NRP2: variants seen among roughly 807,000 people sequenced by gnomAD.
NRP2 encodes the protein neuropilin-2.
NRP2 carries 52 observed loss-of-function variants against 110.4 expected under a neutral mutation model. That is an observed-to-expected ratio of 0.47 (90% confidence interval 0.38 to 0.59). NRP2 has a LOEUF of 0.59. Ranked by LOEUF, NRP2 falls within the 20% of genes least tolerant of loss-of-function variation. The pLI is 0.00. For missense variants in NRP2, 1,049 were observed against 1,203.0 expected (o/e 0.87, Z 1.89); for synonymous variants, 508 against 468.9 (o/e 1.08, Z -1.08).
intron 2 of NRP2, among the ~76,000 whole-genome samples, chr2:205,709,786 A>G (rs956771499): frequency 3.9e-5 from 6 of 152,222 alleles, no homozygotes; most frequent in Non-Finnish European, 5.9e-5. Context: ...AAATCCCCGC[A>G]TTTAAGAATA....
At chr2:205,794,711 A>G in intron 16 of NRP2, 43 bp from the exon 17 acceptor site, 1 of 1,600,922 alleles carries the variant, frequency 6.2e-7, no homozygotes, top group South Asian at 1.1e-5. Context: ...TCACCCTGAC[A>G]TAGGCAGTGC....
At chr2:205,723,112 A>G (rs913041980) in intron 4 of NRP2, among the ~76,000 whole-genome samples, 1 of 152,164 alleles carries the variant, frequency 6.6e-6, no homozygotes, top group Non-Finnish European at 1.5e-5. Context: ...CAAATCCCTT[A>G]CCCTATCTGT....
At chr2:205,684,927 C>G (rs1258673525) in intron 1 of NRP2, among the ~76,000 whole-genome samples, 2 of 152,242 alleles carry the variant, frequency 1.3e-5, no homozygotes, top group Non-Finnish European at 2.9e-5. Flanking sequence ...CAGACACGGA[C>G]TCCAGTAGGC....
chr2:205,778,528 T>A (rs950175471), intron 15 of NRP2: 3 of 152,232 alleles, frequency 2.0e-5, no homozygotes, highest in Admixed American at 2.0e-4. Context: ...TACCATGTGA[T>A]GACTAATATG....
Position 205,682,755 on chromosome 2 carries a change from C to G in NRP2, c.-536C>G, listed in dbSNP as rs918960214. On this transcript the variant is annotated 5_prime_UTR_variant, in exon 1 of 17. Coordinates refer to ENST00000357785, the MANE Select transcript of NRP2 (RefSeq NM_003872.3). This position sits in a 1 kb window ranked among gnomAD's most constrained non-coding sequence, Gnocchi z 4.3. Reference sequence around the variant, plus strand: ...GGGGGAGGCTCCCGCCGGGGGAACCCGGCGAGGACAAGAGCAGGGCGGCCG... The same window carrying G: ...GGGGGAGGCTCCCGCCGGGGGAACCGGGCGAGGACAAGAGCAGGGCGGCCG... 6.3e-6 allele frequency: 1 copy of G among 158,256 alleles called. No homozygotes were observed. The highest frequency in any genetic ancestry group is 1.4e-5 in the Non-Finnish European group (1 of 71,782). The allele number at this position is 158,256 out of a possible 1,614,324, so 9.8% of individuals were successfully genotyped here.
rs372548193 is a variant in NRP2 at position 205,754,083 on chromosome 2, C to T, written c.2044+1108C>T. ...AAGCAGCTCTCACAAGCTGGTACAC[C>T]TTGGATCTAGCACAGCACTGAGTGA... On this transcript the variant is annotated intron_variant, in intron 12 of 16. Coordinates refer to ENST00000357785, the MANE Select transcript of NRP2 (RefSeq NM_003872.3). Among the ~76,000 whole-genome samples the T allele has an allele frequency of 1.2e-4, 18 of 152,308 alleles. 1 individual carries two copies. The East Asian group carries it at 2.5e-3, about 21-fold the overall frequency.
At chr2:205,743,797 G>A (rs2057489031) in intron 9 of NRP2, 3 of 724,882 alleles carry the variant, frequency 4.1e-6, no homozygotes, top group South Asian at 2.0e-5. Flanking sequence ...AGGCTGGAGT[G>A]CAGTGGCCTG....
intron 2 of NRP2, among the ~76,000 whole-genome samples, chr2:205,706,461 A>G (rs1258364626): frequency 6.6e-6 from 1 of 152,116 alleles, no homozygotes; most frequent in Non-Finnish European, 1.5e-5. Flanking sequence ...GTTTTAATGG[A>G]AGAGATTTTC....
intron 1 of NRP2, among the ~76,000 whole-genome samples, chr2:205,683,902 G>A (rs1357746227): frequency 6.6e-6 from 1 of 152,216 alleles, no homozygotes; most frequent in African/African-American, 2.4e-5. Flanking sequence ...GCTCAGGCTG[G>A]TGGAGCAAGT....
chr2:205,792,138 A>G (rs1335009858), intron 15 of NRP2, 97 bp from the exon 16 acceptor site: 7 of 807,932 alleles, frequency 8.7e-6, no homozygotes, highest in Non-Finnish European at 1.6e-5. Context: ...GCTGCCTGCC[A>G]GAATGGGGAG....
At chr2:205,701,621 T>C (rs2056560135) in intron 2 of NRP2, 1 of 150,832 alleles carries the variant, frequency 6.6e-6, no homozygotes, top group Admixed American at 6.6e-5. Flanking sequence ...TAGCAAGAAA[T>C]GAAAGAACAT....
In NRP2 at chr2:205,797,272, C is replaced by T. The variant is rs913743323; in HGVS notation, c.*2214C>T. The T allele has an allele frequency of 6.6e-6, 1 of 152,592 alleles. No homozygotes were observed. The highest frequency in any genetic ancestry group is 2.4e-5 in the African/African-American group (1 of 41,448). The allele number at this position is 152,592 out of a possible 1,614,324, so 9.5% of individuals were successfully genotyped here. ...AGTAGAAGCAAGATTTTAACTAGCC[C>T]CTTTTCCTCTTCACCCTCCCATGAT... On this transcript the variant is annotated 3_prime_UTR_variant, in exon 17 of 17. Transcript: ENST00000357785.
At chr2:205,785,580 T>C (rs776351081) in intron 15 of NRP2, among the ~76,000 whole-genome samples, 13 of 152,114 alleles carry the variant, frequency 8.5e-5, no homozygotes, top group Non-Finnish European at 1.3e-4. Flanking sequence ...AAAAAAGAGG[T>C]TCTAGAATTT....
At chr2:205,730,047 CT>C (rs1186472287) in intron 7 of NRP2, among the ~76,000 whole-genome samples, 1 of 152,160 alleles carries the variant, frequency 6.6e-6, no homozygotes, top group Non-Finnish European at 1.5e-5. Flanking sequence ...GAAATTCATC[CT>C]TTGTGTACTT....
chr2:205,773,985 G>T (rs528691722), intron 15 of NRP2, among the ~76,000 whole-genome samples: 1 of 152,288 alleles, frequency 6.6e-6, no homozygotes, highest in South Asian at 2.1e-4. Context: ...GCCTCATTAG[G>T]GGATGGCCCT....
At chr2:205,776,169 TTTCTTTTTTTAAA>T in intron 15 of NRP2, 1 of 1,412,326 alleles carries the variant, frequency 7.1e-7, no homozygotes, top group Non-Finnish European at 9.9e-7. Flanking sequence ...TGTGTGTTTC[TTTCTTTTTTTAAA>T]TTAGTCTTTT....
chr2:205,713,700 T>C (rs2056841763), intron 2 of NRP2, among the ~76,000 whole-genome samples: 1 of 152,234 alleles, frequency 6.6e-6, no homozygotes, highest in Admixed American at 6.5e-5. Flanking sequence ...CTATTGATTG[T>C]AGCAGGAGAG....
At chr2:205,735,508 T>TAATATATAGAATGAATATATTCTATAA (rs2057327261) in intron 7 of NRP2, among the ~76,000 whole-genome samples, 4 of 148,380 alleles carry the variant, frequency 2.7e-5, no homozygotes, top group Non-Finnish European at 5.9e-5. Context: ...ATATTCTATA[T>TAATATATAGAATGAATATATTCTATAA]AATATATAGA....
chr2:205,684,734 G>A (rs140845874), intron 1 of NRP2, among the ~76,000 whole-genome samples: 1 of 152,342 alleles, frequency 6.6e-6, no homozygotes, highest in Non-Finnish European at 1.5e-5. Context: ...GGTCCCACTT[G>A]GGGAGATTTT....
Sources: allele counts gnomAD v4.1 joint callset (sites outside exome capture counted in the v4.1 genomes callset), GRCh38; gene constraint gnomAD v4.1.1; non-coding constraint Gnocchi (gnomAD v3.1); transcripts MANE v1.5; gene names NCBI Gene and HGNC (gene_info 2026-07-23, HGNC 2026-07-21).